The following KALRN variants were observed in gnomAD, a reference collection of about 807,000 sequenced individuals.
KALRN encodes the protein kalirin RhoGEF kinase.
Under a neutral mutation model 353.7 loss-of-function variants are expected in KALRN, and 70 were observed. The ratio of observed to expected loss-of-function variants is 0.20; its 90% CI spans 0.16 to 0.24. The LOEUF (loss-of-function observed/expected upper bound fraction) is 0.24, where lower values mean the gene tolerates loss of function less well. KALRN is among the 10% of genes least tolerant of loss of function. The pLI, the probability that KALRN is intolerant of heterozygous loss-of-function variation, is 1.00. For synonymous variants in KALRN, 1,391 were observed against 1,434.8 expected, an observed-to-expected ratio of 0.97 and a Z score of 0.69; for missense variants, 2,791 against 3,756.7, an observed-to-expected ratio of 0.74 and a Z score of 6.72.
intron 33 of KALRN, among the ~76,000 whole-genome samples, chr3:124,553,089 C>T (rs536300257): frequency 8.5e-5 from 13 of 152,188 alleles, no homozygotes; most frequent in African/African-American, 2.4e-4. Context: ...TCTACTCCCT[C>T]GACACAAGAT....
intron 5 of KALRN, among the ~76,000 whole-genome samples, chr3:124,281,151 C>G (rs1308856189): frequency 6.6e-6 from 1 of 152,210 alleles, no homozygotes; most frequent in Non-Finnish European, 1.5e-5. Flanking sequence ...CCCCCAGTCC[C>G]CCATCCCATG....
chr3:124,134,449 C>G (rs1000029519), intron 1 of KALRN, among the ~76,000 whole-genome samples: 1 of 152,160 alleles, frequency 6.6e-6, no homozygotes, highest in Non-Finnish European at 1.5e-5. Flanking sequence ...AAAAACCCTT[C>G]TAGACATTGG....
At chr3:124,670,023 G>A (rs1209412043) in intron 47 of KALRN, among the ~76,000 whole-genome samples, 2 of 148,788 alleles carry the variant, frequency 1.3e-5, no homozygotes, top group Admixed American at 1.3e-4. Flanking sequence ...AGGCTGGAGT[G>A]CAGTGGCGCA....
At chr3:124,717,419 G>T (rs1033696805) in intron 59 of KALRN, 34 bp downstream of exon 59, 36 of 1,523,100 alleles carry the variant, frequency 2.4e-5, no homozygotes, top group Non-Finnish European at 3.2e-5. Flanking sequence ...GGGCGCAGTG[G>T]CTCACGCCTG....
intron 1 of KALRN, among the ~76,000 whole-genome samples, chr3:124,060,980 C>G (rs747987318): frequency 6.6e-6 from 1 of 152,232 alleles, no homozygotes; most frequent in Non-Finnish European, 1.5e-5. Context: ...ACCCCCAGCA[C>G]ATGCTCCTTC....
chr3:124,223,232 T>C (rs902840716), intron 1 of KALRN, among the ~76,000 whole-genome samples: 43 of 152,036 alleles, frequency 2.8e-4, no homozygotes, highest in African/African-American at 1.0e-3. Flanking sequence ...CCATAGTAAG[T>C]GGTCAATATA....
At chr3:124,626,137 A>G (rs1295253914) in intron 34 of KALRN, among the ~76,000 whole-genome samples, 1 of 152,232 alleles carries the variant, frequency 6.6e-6, no homozygotes, top group Non-Finnish European at 1.5e-5. Flanking sequence ...ACATGAATAA[A>G]TCTCAAATAA....
At chr3:124,193,764 C>G (rs909385164) in intron 1 of KALRN, among the ~76,000 whole-genome samples, 1 of 151,992 alleles carries the variant, frequency 6.6e-6, no homozygotes. Context: ...TCACTTTTTT[C>G]TTTAATATAT....
At chr3:124,556,924 A>T (rs1306098057) in intron 33 of KALRN, among the ~76,000 whole-genome samples, 1 of 152,232 alleles carries the variant, frequency 6.6e-6, no homozygotes, top group Non-Finnish European at 1.5e-5. Flanking sequence ...ATACAACTGT[A>T]CGTCTTGTCC....
At chr3:124,418,128 GAAA>G (rs761995616) in intron 14 of KALRN, among the ~76,000 whole-genome samples, 2 of 149,430 alleles carry the variant, frequency 1.3e-5, no homozygotes, top group Admixed American at 1.4e-4. Flanking sequence ...AAAAAGGAAA[GAAA>G]AAAAATCTGT....
chr3:124,115,308 G>A (rs2063354431), intron 1 of KALRN, among the ~76,000 whole-genome samples: 1 of 152,168 alleles, frequency 6.6e-6, no homozygotes, highest in African/African-American at 2.4e-5. Flanking sequence ...CAGCCATTGG[G>A]ATATTTTGAG....
chr3:124,658,851 G>T (rs565606191), intron 42 of KALRN, among the ~76,000 whole-genome samples: 1 of 152,280 alleles, frequency 6.6e-6, no homozygotes, highest in African/African-American at 2.4e-5. Context: ...GTCCCCCAGG[G>T]ACCACTTACT....
At chr3:124,218,748 T>A (rs2077586309) in intron 1 of KALRN, among the ~76,000 whole-genome samples, 2 of 152,212 alleles carry the variant, frequency 1.3e-5, no homozygotes, top group African/African-American at 4.8e-5. Context: ...CCTGTGTGTA[T>A]TGCAGCTGAG....
At chr3:124,517,147 T>C (rs945904858) in intron 33 of KALRN, among the ~76,000 whole-genome samples, 1 of 152,210 alleles carries the variant, frequency 6.6e-6, no homozygotes, top group African/African-American at 2.4e-5. Context: ...ACTTTTGCCC[T>C]GTAAAGTTGG....
chr3:124,709,437 C>T (rs2062789284), intron 57 of KALRN, among the ~76,000 whole-genome samples: 2 of 152,122 alleles, frequency 1.3e-5, no homozygotes, highest in South Asian at 4.2e-4. Flanking sequence ...ACAACCATGC[C>T]TGGCTAATTT....
intron 1 of KALRN, among the ~76,000 whole-genome samples, chr3:124,097,990 A>G (rs2061570452): frequency 6.6e-6 from 1 of 152,242 alleles, no homozygotes; most frequent in Non-Finnish European, 1.5e-5. Context: ...TCATAGAGAT[A>G]AGAAGCATGA....
At chr3:124,185,293 G>A (rs1178000464) in intron 1 of KALRN, among the ~76,000 whole-genome samples, 1 of 152,194 alleles carries the variant, frequency 6.6e-6, no homozygotes, top group Non-Finnish European at 1.5e-5. Flanking sequence ...TGGGATTACA[G>A]GCGTGAGCCA....
chr3:124,598,273 A>C (rs1193946500), intron 34 of KALRN, among the ~76,000 whole-genome samples: 1 of 152,226 alleles, frequency 6.6e-6, no homozygotes, highest in African/African-American at 2.4e-5. Context: ...TGATGAAATC[A>C]AGGGCTACTC....
At chr3:124,287,376 T>C (rs2076004790) in intron 5 of KALRN, among the ~76,000 whole-genome samples, 1 of 151,998 alleles carries the variant, frequency 6.6e-6, no homozygotes, top group Non-Finnish European at 1.5e-5. Flanking sequence ...TGCATCTCCC[T>C]CCACTGTAAT....
Sources: gnomAD v4.1 joint callset for allele counts (sites outside exome capture counted in the v4.1 genomes callset) on GRCh38, gnomAD v4.1.1 for gene constraint, MANE v1.5 for transcripts, NCBI Gene and HGNC (gene_info 2026-07-23, HGNC 2026-07-21) for gene names.